Variants in CCSER1 observed in about 807,000 individuals in gnomAD.
CCSER1 encodes serine-rich coiled-coil domain-containing protein 1.
CCSER1 carries 41 observed loss-of-function variants against 82.0 expected under a neutral mutation model. The ratio of observed to expected loss-of-function variants is 0.50; its 90% confidence interval spans 0.39 to 0.65. The LOEUF (loss-of-function observed/expected upper bound fraction) is 0.65, where lower values mean the gene tolerates loss of function less well. Ranked by LOEUF, CCSER1 falls within the 30% of genes least tolerant of loss-of-function variation. CCSER1 has a pLI of 0.00. For missense variants in CCSER1, 1,119 were observed against 1,064.2 expected, an observed-to-expected ratio of 1.05 and a Z score of -0.72; for synonymous variants, 414 against 383.9, an observed-to-expected ratio of 1.08 and a Z score of -0.92.
intron 3 of CCSER1, among the ~76,000 whole-genome samples, chr4:90,389,464 T>A (rs939803990): frequency 1.1e-4 from 16 of 152,208 alleles, no homozygotes; most frequent in Non-Finnish European, 4.4e-5. Flanking sequence ...AAAAGGAAAC[T>A]GCTGTTCTTC....
intron 8 of CCSER1, among the ~76,000 whole-genome samples, chr4:90,850,393 C>T (rs549544281): frequency 5.9e-5 from 9 of 152,310 alleles, no homozygotes; most frequent in African/African-American, 2.2e-4. Context: ...TTGCACCGTG[C>T]ACCTGGAAAA....
At chr4:91,082,891 C>T (rs1187073836) in intron 9 of CCSER1, among the ~76,000 whole-genome samples, 2 of 152,116 alleles carry the variant, frequency 1.3e-5, no homozygotes, top group African/African-American at 4.8e-5. Flanking sequence ...GAATGACGAT[C>T]ATTAAAAAGT....
chr4:91,153,922 T>A (rs989359152), intron 10 of CCSER1, among the ~76,000 whole-genome samples: 3 of 151,990 alleles, frequency 2.0e-5, no homozygotes, highest in Admixed American at 6.5e-5. Context: ...CGGCCCCTAC[T>A]GGGAGGTGCC....
At chr4:90,938,830 G>C (rs1731259544) in intron 9 of CCSER1, 1 of 197,946 alleles carries the variant, frequency 5.1e-6, no homozygotes, top group African/African-American at 2.3e-5. Flanking sequence ...CATATTTTAA[G>C]TATGTAATAT....
At chr4:90,790,795 C>A (rs1325901488) in intron 7 of CCSER1, among the ~76,000 whole-genome samples, 1 of 152,186 alleles carries the variant, frequency 6.6e-6, no homozygotes, top group Non-Finnish European at 1.5e-5. Context: ...CCCTCCAAGT[C>A]TCTAGGAAAT....
intron 9 of CCSER1, among the ~76,000 whole-genome samples, chr4:90,950,393 G>A (rs976602313): frequency 2.6e-5 from 4 of 151,884 alleles, no homozygotes; most frequent in African/African-American, 7.3e-5. Flanking sequence ...TACTGAGTAC[G>A]TCTGCTGTTG....
At chr4:90,332,989 T>A (rs1192264665) in intron 3 of CCSER1, among the ~76,000 whole-genome samples, 2 of 152,224 alleles carry the variant, frequency 1.3e-5, no homozygotes, top group African/African-American at 4.8e-5. Flanking sequence ...TTCTCATCAT[T>A]TTTTCTCTTA....
chr4:90,999,885 T>G (rs1403288868), intron 9 of CCSER1, among the ~76,000 whole-genome samples: 1 of 82,230 alleles, frequency 1.2e-5, no homozygotes, highest in Non-Finnish European at 3.6e-5. Context: ...TGAGGTTTTT[T>G]TTTTTTTTTT....
intron 7 of CCSER1, among the ~76,000 whole-genome samples, chr4:90,763,643 G>A (rs571674960): frequency 6.6e-6 from 1 of 152,204 alleles, no homozygotes; most frequent in Admixed American, 6.5e-5. Context: ...GCCCGTTTAT[G>A]TCCCACAGTT....
intron 10 of CCSER1, among the ~76,000 whole-genome samples, chr4:91,508,162 G>GTTTTTTTTTTTTTTTTTTTTTTT (rs139066436): frequency 1.0e-5 from 1 of 97,652 alleles, no homozygotes; most frequent in Non-Finnish European, 1.9e-5. Context: ...TTTTTTCTGG[G>GTTTTTTTTTTTTTTTTTTTTTTT]TTTTTTTTTT....
At chr4:90,245,472 G>T (rs1364352509) in intron 1 of CCSER1, among the ~76,000 whole-genome samples, 2 of 152,138 alleles carry the variant, frequency 1.3e-5, no homozygotes, top group Admixed American at 1.3e-4. Context: ...TCAGGAAAAA[G>T]ACATTATTGT....
intron 10 of CCSER1, among the ~76,000 whole-genome samples, chr4:91,151,187 T>G (rs976216733): frequency 4.6e-5 from 7 of 152,132 alleles, no homozygotes; most frequent in Non-Finnish European, 1.0e-4. Flanking sequence ...TTCTTCCTGG[T>G]TTAGTCTTGG....
chr4:91,081,806 A>G (rs564809595), intron 9 of CCSER1, among the ~76,000 whole-genome samples: 114 of 152,334 alleles, frequency 7.5e-4, no homozygotes, highest in African/African-American at 2.7e-3. Context: ...GTGAACTCCC[A>G]TTCACAATTG....
At chr4:90,438,750 G>T (rs1197129538) in intron 4 of CCSER1, among the ~76,000 whole-genome samples, 3 of 151,394 alleles carry the variant, frequency 2.0e-5, no homozygotes, top group Non-Finnish European at 4.4e-5. Context: ...TGTCATTAAA[G>T]AATTTATAGA....
At chr4:90,382,992 G>A (rs1210870148) in intron 3 of CCSER1, among the ~76,000 whole-genome samples, 1 of 152,086 alleles carries the variant, frequency 6.6e-6, no homozygotes, top group African/African-American at 2.4e-5. Flanking sequence ...ATATATTCAA[G>A]GCTGTTCCAG....
At position 90,618,516 on chromosome 4, in the gene CCSER1, A is replaced by G. The variant is rs149454774; in HGVS notation, c.1725-9509A>G. Among the ~76,000 whole-genome samples the G allele has an allele frequency of 8.6e-5, 13 of 152,046 alleles. No homozygotes were observed. The East Asian group carries it at 2.5e-3, about 29-fold the overall frequency. The stretch of plus-strand genomic sequence containing the variant: ...ATAAAAATTTTGCATACTAGCTCTT[A>G]AAGCAATAATATTAGGTTCTAACTA... On this transcript the variant is annotated intron_variant, in intron 5 of 10. Transcript: ENST00000509176.
At chr4:90,167,692 T>G (rs1303139026) in intron 1 of CCSER1, among the ~76,000 whole-genome samples, 1 of 152,030 alleles carries the variant, frequency 6.6e-6, no homozygotes, top group Non-Finnish European at 1.5e-5. Flanking sequence ...TTCTCATTGT[T>G]CAGTTCCCAC....
intron 8 of CCSER1, among the ~76,000 whole-genome samples, chr4:90,874,846 G>C (rs960509099): frequency 1.4e-4 from 22 of 152,082 alleles, no homozygotes; most frequent in African/African-American, 5.3e-4. Flanking sequence ...AAGAGATCGA[G>C]ACCATCCTGG....
intron 6 of CCSER1, among the ~76,000 whole-genome samples, chr4:90,660,279 TAA>T (rs77966478): frequency 0.12 from 17,890 of 152,006 alleles, 1,153 homozygotes; most frequent in East Asian, 0.16. Context: ...GAAATCAACC[TAA>T]GTGTCCATCG....
Sources: gnomAD v4.1 joint callset for allele counts (sites outside exome capture counted in the v4.1 genomes callset) on GRCh38, gnomAD v4.1.1 for gene constraint, MANE v1.5 for transcripts, NCBI Gene and HGNC (gene_info 2026-07-23, HGNC 2026-07-21) for gene names.